Variants in RBM45 observed in about 807,000 individuals in gnomAD.
The protein encoded by RBM45 is RNA-binding protein 45.
Under a neutral mutation model 58.5 loss-of-function variants are expected in RBM45, and 39 were observed. The observed-to-expected ratio is 0.67, with a 90% CI of 0.52 to 0.87. The LOEUF (loss-of-function observed/expected upper bound fraction) is 0.87. Among genes scored for constraint, RBM45 ranks in the 40% least tolerant of loss-of-function variants. The pLI is 0.00. For synonymous variants in RBM45, 193 were observed against 203.0 expected (o/e 0.95, Z 0.42); for missense variants, 481 against 581.6 (o/e 0.83, Z 1.78).
chr2:178,112,478 GAGAC>G lies in RBM45; in HGVS notation c.-66_-63del. 2.1e-6 allele frequency: 3 copies of G among 1,435,240 alleles called. No homozygotes were observed. Among genetic ancestry groups the G allele is most frequent in the Admixed American group, 3.7e-5 (2 of 54,636 alleles). The allele number at this position is 1,435,240 out of a possible 1,614,324, so 88.9% of individuals were successfully genotyped here. On this transcript the variant is annotated 5_prime_UTR_variant, in exon 1 of 10. Coordinates refer to ENST00000286070, the MANE Select transcript of RBM45 (RefSeq NM_152945.4). The stretch of plus-strand genomic sequence containing the variant: ...ACCGAGCCGGCAAAGGCTTGGGTGT[GAGAC>G]AGCAGCGGTGGCAGACACCGCAGAA...
intron 9 of RBM45, among the ~76,000 whole-genome samples, chr2:178,128,804 C>T (rs1226095088): frequency 1.3e-5 from 2 of 152,104 alleles, no homozygotes; most frequent in Non-Finnish European, 2.9e-5. Context: ...TTACAATGGA[C>T]TCCATTATGA....
intron 1 of RBM45, 68 bp downstream of exon 1, chr2:178,112,914 T>C (rs1197097804): frequency 6.0e-6 from 9 of 1,500,888 alleles, no homozygotes; most frequent in Non-Finnish European, 8.2e-6. Context: ...CTTCACCTGC[T>C]GCTCTGCCGG....
intron 9 of RBM45, among the ~76,000 whole-genome samples, chr2:178,129,196 A>G (rs1228086169): frequency 6.6e-6 from 1 of 152,206 alleles, no homozygotes; most frequent in Admixed American, 6.5e-5. Context: ...TTAATTCACA[A>G]CACTTTCCCT....
downstream of RBM45, among the ~76,000 whole-genome samples, chr2:178,130,829 T>C (rs980910441): frequency 8.5e-5 from 13 of 152,260 alleles, no homozygotes; most frequent in Admixed American, 6.5e-4. Flanking sequence ...TAAAATCTTT[T>C]CTTTTAAAAG....
At chr2:178,123,765 C>A (rs1051951927) in intron 6 of RBM45, 63 bp from the exon 7 acceptor site, 4 of 1,598,032 alleles carry the variant, frequency 2.5e-6, no homozygotes, top group Non-Finnish European at 3.4e-6. Flanking sequence ...TCACACAAAA[C>A]AAGCTACTGT....
chr2:178,127,122 G>T (rs2087942012), intron 9 of RBM45, among the ~76,000 whole-genome samples: 1 of 152,064 alleles, frequency 6.6e-6, no homozygotes, highest in Non-Finnish European at 1.5e-5. Flanking sequence ...ATTTTTAGTA[G>T]AGGCGGGGTT....
At chr2:178,120,619 G>A (rs760579806) in intron 4 of RBM45, among the ~76,000 whole-genome samples, 3 of 151,968 alleles carry the variant, frequency 2.0e-5, no homozygotes, top group Non-Finnish European at 2.9e-5. Flanking sequence ...TCTAATTATA[G>A]TTTTCTCTGT....
chr2:178,116,769 C>A (rs2087782429), intron 2 of RBM45, among the ~76,000 whole-genome samples: 1 of 151,828 alleles, frequency 6.6e-6, no homozygotes, highest in Non-Finnish European at 1.5e-5. Context: ...TCAAAGCACG[C>A]TTTTATCACT....
Position 178,112,807 on chromosome 2 carries a change from T to C in RBM45, c.261T>C (p.His87=), listed in dbSNP as rs1248384946. 1 of 1,612,590 alleles carries C rather than the reference T, an allele frequency of 6.2e-7. No homozygotes were observed. The highest frequency in any genetic ancestry group is 8.5e-7 in the Non-Finnish European group (1 of 1,179,030). Residue 87 remains histidine, a synonymous_variant, in exon 1 of 10, where the codon CAT becomes CAC. Coordinates refer to ENST00000286070, the MANE Select transcript of RBM45 (RefSeq NM_152945.4). ...CCTGCAGGGCCATGGAGGAGATGCA[T>C]GGCCAGTGCCTCGGCCCCAACGACA... ...SQACRAMEEM[H]GQCLGPNDTK...
chr2:178,134,477 A>T (rs1266842279), downstream of RBM45, among the ~76,000 whole-genome samples: 2 of 152,014 alleles, frequency 1.3e-5, no homozygotes, highest in East Asian at 3.8e-4. Flanking sequence ...TTTTTTGCTC[A>T]TATATTATTA....
chr2:178,125,127 G>C (rs899714887), intron 8 of RBM45, among the ~76,000 whole-genome samples: 4 of 151,734 alleles, frequency 2.6e-5, no homozygotes, highest in African/African-American at 9.7e-5. Flanking sequence ...GGCTCAAAAG[G>C]AAAAAAATAT....
rs1233547096 is a variant in RBM45 at position 178,125,811 on chromosome 2, G to C, written c.1233-173G>C. ...GAAAAGATGATGGTCTGAATGAGAA[G>C]AGAGATCTGAATGAGAATGAATAGA... On this transcript the variant is annotated intron_variant, in intron 8 of 9. Transcript: ENST00000286070. 1.4e-5 allele frequency: 10 copies of C among 713,824 alleles called. No individual in the cohort carries two copies. The East Asian group carries it at 2.7e-4, about 19-fold the overall frequency. 44.2% of individuals were successfully genotyped at this position (713,824 alleles called of 1,614,324 possible).
At chr2:178,115,209 G>A (rs950671028) in intron 1 of RBM45, among the ~76,000 whole-genome samples, 1 of 152,102 alleles carries the variant, frequency 6.6e-6, no homozygotes, top group Non-Finnish European at 1.5e-5. Flanking sequence ...AGTCTATGAA[G>A]GTAAAAATTT....
At chr2:178,118,750 A>T (rs575250795) in intron 3 of RBM45, among the ~76,000 whole-genome samples, 1 of 152,188 alleles carries the variant, frequency 6.6e-6, no homozygotes, top group Non-Finnish European at 1.5e-5. Flanking sequence ...GTATACTTCT[A>T]GTTAGGTATA....
chr2:178,133,212 T>C (rs1445054088), downstream of RBM45, among the ~76,000 whole-genome samples: 1 of 152,210 alleles, frequency 6.6e-6, no homozygotes, highest in East Asian at 1.9e-4. Context: ...AAGAACACAG[T>C]CTCACAAATA....
chr2:178,133,724 G>A (rs539680240), downstream of RBM45: 6 of 152,260 alleles, frequency 3.9e-5, no homozygotes, highest in East Asian at 5.8e-4. Flanking sequence ...GATGGTAAGC[G>A]CTATTAAAAA....
chr2:178,134,183 C>T (rs575595123), downstream of RBM45, among the ~76,000 whole-genome samples: 21 of 152,248 alleles, frequency 1.4e-4, no homozygotes, highest in East Asian at 3.5e-3. Flanking sequence ...GCTATACCAC[C>T]GTGGGACTCT....
At chr2:178,126,770 A>G (rs1166556599) in intron 9 of RBM45, among the ~76,000 whole-genome samples, 1 of 152,238 alleles carries the variant, frequency 6.6e-6, no homozygotes, top group Non-Finnish European at 1.5e-5. Context: ...GTATTTTTTA[A>G]GAAAACCTGA....
In RBM45 at chr2:178,123,549, T is replaced by C. The variant is rs2105906144; in HGVS notation, c.881T>C (p.Val294Ala). 1 of 1,600,736 alleles carries C rather than the reference T, an allele frequency of 6.2e-7. No homozygotes were observed. Residue 294 changes from valine to alanine, a missense_variant, in exon 6 of 10, where the codon GTA (valine) becomes GCA (alanine). Physicochemically the swap from Val to Ala is moderately conservative, Grantham distance 64 (BLOSUM62 0). Coordinates refer to ENST00000286070, the MANE Select transcript of RBM45 (RefSeq NM_152945.4). ...YGHGVVQYFN[V>A]ASAIYAKYKL... ...CATGGAGTGGTTCAGTATTTTAATG[T>C]AGCATCAGCTATTTATGCAAAATAC...
Sources: gnomAD v4.1 joint callset for allele counts (sites outside exome capture counted in the v4.1 genomes callset) on GRCh38, gnomAD v4.1.1 for gene constraint, MANE v1.5 for transcripts, NCBI Gene and HGNC (gene_info 2026-07-23, HGNC 2026-07-21) for gene names.